The following CNKSR3 variants were observed in gnomAD, a reference collection of about 807,000 sequenced individuals.
CNKSR3 encodes the protein CNKSR family member 3, also known as connector enhancer of kinase suppressor of ras 3.
CNKSR3 carries 36 observed loss-of-function variants against 67.7 expected under a neutral mutation model. The ratio of observed to expected loss-of-function variants is 0.53; its 90% CI spans 0.41 to 0.70. The LOEUF (loss-of-function observed/expected upper bound fraction) is 0.70. Among genes scored for constraint, CNKSR3 ranks in the 30% least tolerant of loss-of-function variants. CNKSR3 has a pLI of 0.00. For synonymous variants in CNKSR3, 281 were observed against 271.4 expected, an observed-to-expected ratio of 1.04 and a Z score of -0.35; for missense variants, 630 against 695.2, an observed-to-expected ratio of 0.91 and a Z score of 1.05.
At chr6:154,494,417 T>A (rs934068095) in intron 1 of CNKSR3, among the ~76,000 whole-genome samples, 1 of 152,148 alleles carries the variant, frequency 6.6e-6, no homozygotes, top group Non-Finnish European at 1.5e-5. Flanking sequence ...TGAGATTTGG[T>A]TGGGGACACA....
intron 1 of CNKSR3, 147 bp from the exon 2 acceptor site, chr6:154,450,405 G>A (rs1187530623): frequency 1.4e-6 from 1 of 734,346 alleles, no homozygotes; most frequent in Middle Eastern, 2.4e-4. Context: ...TGCACCTGAT[G>A]GGCACTTTTG....
At chr6:154,463,231 G>A (rs1286741649) in intron 1 of CNKSR3, among the ~76,000 whole-genome samples, 2 of 151,220 alleles carry the variant, frequency 1.3e-5, no homozygotes, top group Non-Finnish European at 2.9e-5. Context: ...CACCACGCCC[G>A]GCTAATTTTT....
intron 4 of CNKSR3, among the ~76,000 whole-genome samples, chr6:154,438,947 ATTT>A (rs1021151816): frequency 2.6e-5 from 4 of 152,138 alleles, no homozygotes; most frequent in Non-Finnish European, 5.9e-5. Context: ...CTATGGGAAG[ATTT>A]TTTTATTTAA....
chr6:154,425,841 GC>G (rs1562326695), intron 7 of CNKSR3, among the ~76,000 whole-genome samples: 1 of 151,792 alleles, frequency 6.6e-6, no homozygotes, highest in Non-Finnish European at 1.5e-5. Context: ...ACCATACTAG[GC>G]TTCTTCCATT....
At chr6:154,486,487 TTA>T (rs925483091) in intron 1 of CNKSR3, among the ~76,000 whole-genome samples, 12 of 139,374 alleles carry the variant, frequency 8.6e-5, no homozygotes, top group African/African-American at 3.9e-4. Context: ...TTATTTTATT[TTA>T]TTTTATTTTA....
At chr6:154,501,497 C>A (rs1336000308) in intron 1 of CNKSR3, among the ~76,000 whole-genome samples, 1 of 152,150 alleles carries the variant, frequency 6.6e-6, no homozygotes, top group Non-Finnish European at 1.5e-5. Flanking sequence ...GCTCTCATGA[C>A]CCCACCACAA....
rs371421115 is a variant in CNKSR3 at position 154,414,406 on chromosome 6, C to T, written c.963G>A (p.Ala321=). The T allele has an allele frequency of 5.6e-6, 9 of 1,598,586 alleles. No individual in the cohort carries two copies. Among genetic ancestry groups the T allele is most frequent in the Admixed American group, 3.5e-5 (2 of 56,376 alleles). ...TAGTGCTTTCAGGGGACTGGGTTGTCGCGGGTGGAGGTGAGGTCTGAAACA... is the reference window on the plus strand; with the variant it reads ...TAGTGCTTTCAGGGGACTGGGTTGTTGCGGGTGGAGGTGAGGTCTGAAACA... ...PPLVQTSPPP[A]TTQSPESTMD... Residue 321 remains alanine, a synonymous_variant, in exon 10 of 13, where the codon GCG becomes GCA. Transcript: ENST00000607772.
chr6:154,495,802 G>T (rs56730602), intron 1 of CNKSR3, among the ~76,000 whole-genome samples: 2 of 151,848 alleles, frequency 1.3e-5, no homozygotes, highest in Non-Finnish European at 2.9e-5. Context: ...CCTGTGTGGC[G>T]CCTCTTGCTG....
intron 1 of CNKSR3, among the ~76,000 whole-genome samples, chr6:154,508,522 C>T (rs1787147316): frequency 6.6e-6 from 1 of 152,144 alleles, no homozygotes; most frequent in African/African-American, 2.4e-5. Flanking sequence ...AGATAAAATA[C>T]ATATCAACTC....
chr6:154,449,059 G>GT (rs780236473), intron 2 of CNKSR3, among the ~76,000 whole-genome samples: 2 of 152,276 alleles, frequency 1.3e-5, no homozygotes, highest in South Asian at 2.1e-4. Flanking sequence ...CCTTACAGGT[G>GT]TTTTTGGCCC....
At chr6:154,429,608 G>A (rs1785323534) in intron 6 of CNKSR3, among the ~76,000 whole-genome samples, 1 of 152,104 alleles carries the variant, frequency 6.6e-6, no homozygotes, top group Non-Finnish European at 1.5e-5. Context: ...TGCTCACTAA[G>A]AATGTGGGCC....
At chr6:154,465,332 A>G (rs72997377) in intron 1 of CNKSR3, among the ~76,000 whole-genome samples, 4,996 of 137,442 alleles carry the variant, frequency 0.036, 103 homozygotes, top group Non-Finnish European at 0.055. Context: ...TATTCAAAAG[A>G]ATCTACTAAA....
chr6:154,461,713 T>C (rs1216508610), intron 1 of CNKSR3, among the ~76,000 whole-genome samples: 1 of 152,244 alleles, frequency 6.6e-6, no homozygotes, highest in East Asian at 1.9e-4. Context: ...ACCAGGTATA[T>C]AGTAAGCGCT....
intron 1 of CNKSR3, among the ~76,000 whole-genome samples, chr6:154,460,202 C>A (rs114191014): frequency 0.032 from 4,895 of 152,218 alleles, 102 homozygotes; most frequent in Non-Finnish European, 0.051. Context: ...AAAAAAGAAC[C>A]GACATGCAAA....
chr6:154,431,107 T>C (rs1785358405), intron 5 of CNKSR3, among the ~76,000 whole-genome samples: 5 of 152,032 alleles, frequency 3.3e-5, no homozygotes, highest in African/African-American at 4.8e-5. Context: ...CCCAGTTTCC[T>C]CTATTATTAA....
At chr6:154,505,205 C>T (rs923503833) in intron 1 of CNKSR3, among the ~76,000 whole-genome samples, 2 of 150,510 alleles carry the variant, frequency 1.3e-5, no homozygotes, top group African/African-American at 4.9e-5. Context: ...TGCAGTTGAC[C>T]TGTGATGTAT....
intron 1 of CNKSR3, among the ~76,000 whole-genome samples, chr6:154,470,544 C>T (rs76455573): frequency 0.024 from 3,706 of 152,180 alleles, 142 homozygotes; most frequent in African/African-American, 0.084. Flanking sequence ...CAATATGCAA[C>T]CTTTTATCTT....
intron 9 of CNKSR3, among the ~76,000 whole-genome samples, chr6:154,417,130 G>A (rs182022457): frequency 3.9e-5 from 6 of 152,156 alleles, no homozygotes; most frequent in Admixed American, 1.3e-4. Context: ...CTTCCAAATG[G>A]CCTCTTTTCT....
At chr6:154,433,719 G>T in intron 4 of CNKSR3, 1 of 472,172 alleles carries the variant, frequency 2.1e-6, no homozygotes, top group South Asian at 4.5e-5. Flanking sequence ...GCTCTCCCCT[G>T]ACCTAAGGAG....
Sources: allele counts gnomAD v4.1 joint callset (sites outside exome capture counted in the v4.1 genomes callset), GRCh38; gene constraint gnomAD v4.1.1; transcripts MANE v1.5; gene names NCBI Gene and HGNC (gene_info 2026-07-23, HGNC 2026-07-21).